The following EYS variants were observed in gnomAD, a reference collection of about 807,000 sequenced individuals.
The protein encoded by EYS is EGF-like photoreceptor maintenance factor.
In EYS, 250 loss-of-function variants were observed where a neutral mutation model predicts 282.1. That is an observed-to-expected ratio of 0.89 (90% confidence interval 0.80 to 0.98). The LOEUF (loss-of-function observed/expected upper bound fraction) is 0.98. Ranked by LOEUF, EYS falls within the 50% of genes least tolerant of loss-of-function variation. EYS has a pLI of 0.00. For missense variants in EYS, 4,016 were observed against 3,709.0 expected (o/e 1.08, Z -2.15); for synonymous variants, 1,355 against 1,282.9 (o/e 1.06, Z -1.20).
At chr6:65,020,724 A>ATGTTCTCTGT (rs1772226262) in intron 13 of EYS, among the ~76,000 whole-genome samples, 1 of 152,032 alleles carries the variant, frequency 6.6e-6, no homozygotes, top group South Asian at 2.1e-4. Flanking sequence ...GCCCTAGCAG[A>ATGTTCTCTGT]TGTTCTCTGT....
intron 31 of EYS, among the ~76,000 whole-genome samples, chr6:64,117,880 CA>C (rs1773443881): frequency 6.6e-6 from 1 of 151,770 alleles, no homozygotes; most frequent in Non-Finnish European, 1.5e-5. Context: ...AATCAACATA[CA>C]AAAATAAGTA....
At chr6:64,436,834 T>C (rs1774768605) in intron 27 of EYS, among the ~76,000 whole-genome samples, 1 of 151,788 alleles carries the variant, frequency 6.6e-6, no homozygotes, top group Admixed American at 6.6e-5. Flanking sequence ...CCCCAGGAAA[T>C]ACATGGATGT....
intron 22 of EYS, among the ~76,000 whole-genome samples, chr6:64,759,623 A>G: frequency 6.6e-6 from 1 of 152,182 alleles, no homozygotes; most frequent in East Asian, 1.9e-4. Flanking sequence ...TAGAAGTTCT[A>G]CATATATTTC....
intron 32 of EYS, among the ~76,000 whole-genome samples, chr6:64,070,905 C>T (rs867654048): frequency 4.6e-4 from 70 of 151,842 alleles, no homozygotes; most frequent in African/African-American, 1.6e-3. Flanking sequence ...ACACCATGAG[C>T]GAAAATGTCA....
chr6:63,772,476 T>G (rs1769956705), intron 40 of EYS, among the ~76,000 whole-genome samples: 1 of 152,146 alleles, frequency 6.6e-6, no homozygotes, highest in African/African-American at 2.4e-5. Context: ...TAATGCTATT[T>G]GGGTATTTTT....
At chr6:65,682,116 T>C (rs1768847001) in intron 1 of EYS, among the ~76,000 whole-genome samples, 1 of 152,002 alleles carries the variant, frequency 6.6e-6, no homozygotes, top group African/African-American at 2.4e-5. Context: ...ATTGCAATAT[T>C]GTTGAATAAA....
chr6:63,786,540 G>C (rs374185912), intron 39 of EYS, among the ~76,000 whole-genome samples: 1 of 151,908 alleles, frequency 6.6e-6, no homozygotes, highest in Non-Finnish European at 1.5e-5. Flanking sequence ...GTCAAGGGGT[G>C]GGGGGCAAGG....
At chr6:63,854,676 G>A (rs957167609) in intron 36 of EYS, among the ~76,000 whole-genome samples, 8 of 152,066 alleles carry the variant, frequency 5.3e-5, no homozygotes, top group African/African-American at 2.4e-5. Context: ...ACAGCTAGTT[G>A]AAATTATATA....
chr6:64,917,262 A>C (rs1768195667), intron 15 of EYS, among the ~76,000 whole-genome samples: 1 of 151,044 alleles, frequency 6.6e-6, no homozygotes, highest in Admixed American at 6.6e-5. Flanking sequence ...AAAAAAAAAA[A>C]CAAAATTCAC....
At chr6:65,010,146 C>T (rs942488917) in intron 13 of EYS, among the ~76,000 whole-genome samples, 1 of 152,152 alleles carries the variant, frequency 6.6e-6, no homozygotes, top group African/African-American at 2.4e-5. Context: ...AGGAATAGCT[C>T]TAGGAGTCCT....
intron 22 of EYS, among the ~76,000 whole-genome samples, chr6:64,665,722 T>A (rs1353012657): frequency 6.6e-6 from 1 of 152,156 alleles, no homozygotes; most frequent in African/African-American, 2.4e-5. Context: ...CCCCTCCCGC[T>A]TTTCTTTTTT....
At chr6:65,448,889 T>C (rs12200899) in intron 5 of EYS, among the ~76,000 whole-genome samples, 28,155 of 152,024 alleles carry the variant, frequency 0.19, 3,256 homozygotes, top group Middle Eastern at 0.3. Flanking sequence ...AAGGCTGTGT[T>C]CACAATGTAT....
intron 19 of EYS, among the ~76,000 whole-genome samples, chr6:64,871,067 C>A (rs960093918): frequency 2.0e-5 from 3 of 151,662 alleles, no homozygotes; most frequent in African/African-American, 7.3e-5. Flanking sequence ...TGAGTAAAGT[C>A]AAAAATATGA....
At chr6:65,325,359 A>T (rs1326544391) in intron 11 of EYS, among the ~76,000 whole-genome samples, 1 of 152,178 alleles carries the variant, frequency 6.6e-6, no homozygotes. Flanking sequence ...CAAACGCTGC[A>T]TTTGATACCT....
chr6:64,515,707 G>A (rs971195935), intron 26 of EYS, among the ~76,000 whole-genome samples: 1 of 151,354 alleles, frequency 6.6e-6, no homozygotes, highest in Non-Finnish European at 1.5e-5. Flanking sequence ...TGCTGATAAT[G>A]TTAATTACTA....
At chr6:65,297,071 T>C (rs542171064) in intron 11 of EYS, among the ~76,000 whole-genome samples, 1 of 151,564 alleles carries the variant, frequency 6.6e-6, no homozygotes, top group African/African-American at 2.4e-5. Context: ...TTCCTCTATA[T>C]CTAGGCATAG....
intron 2 of EYS, among the ~76,000 whole-genome samples, chr6:65,522,349 C>T (rs1237722261): frequency 6.6e-6 from 1 of 152,030 alleles, no homozygotes; most frequent in African/African-American, 2.4e-5. Context: ...GCCTGTAATC[C>T]CAGCACTTTG....
intron 30 of EYS, among the ~76,000 whole-genome samples, chr6:64,292,114 G>A (rs897563058): frequency 1.3e-5 from 2 of 152,042 alleles, no homozygotes; most frequent in African/African-American, 4.8e-5. Context: ...TTTGAAACTT[G>A]GTGTGTCTGA....
chr6:65,329,502 A>G, intron 11 of EYS: 1 of 978,410 alleles, frequency 1.0e-6, no homozygotes, highest in Non-Finnish European at 1.2e-6. Flanking sequence ...CACTTGATCT[A>G]GTGGTTTCAA....
Sources: gnomAD v4.1 joint callset for allele counts (sites outside exome capture counted in the v4.1 genomes callset) on GRCh38, gnomAD v4.1.1 for gene constraint, MANE v1.5 for transcripts, NCBI Gene and HGNC (gene_info 2026-07-23, HGNC 2026-07-21) for gene names.